MACF1: variants seen among roughly 807,000 people sequenced by gnomAD.
MACF1 encodes the protein microtubule-actin cross-linking factor 1.
A neutral mutation model predicts 854.8 loss-of-function variants in MACF1; 193 were observed. That is an observed-to-expected ratio of 0.23 (90% CI 0.20 to 0.25). The LOEUF is 0.25. MACF1 is among the 10% of genes least tolerant of loss of function. The pLI is 1.00. For missense variants in MACF1, 7,722 were observed against 8,929.1 expected (o/e 0.86, Z 5.45); for synonymous variants, 3,185 against 3,226.7 (o/e 0.99, Z 0.44).
At chr1:39,269,514 C>T (rs1438099571) in intron 6 of MACF1, 3 of 1,289,728 alleles carry the variant, frequency 2.3e-6, no homozygotes, top group East Asian at 1.1e-4. Flanking sequence ...GGATTCCAGA[C>T]TGCCTACTTC....
At chr1:39,188,275 A>G (rs542001926) in intron 2 of MACF1, among the ~76,000 whole-genome samples, 4 of 152,078 alleles carry the variant, frequency 2.6e-5, no homozygotes, top group African/African-American at 7.2e-5. Context: ...AAAAAATTAC[A>G]AAAATGAGCT....
Position 39,444,753 on chromosome 1 carries a change from G to C in MACF1, c.19523G>C (p.Gly6508Ala), listed in dbSNP as rs762626105. 8 of 1,614,106 alleles carry C rather than the reference G, an allele frequency of 5.0e-6. No individual in the cohort carries two copies. The Admixed American group carries it at 8.3e-5, about 17-fold the overall frequency. Residue 6508 changes from glycine to alanine, a missense_variant, in exon 80 of 101, where the codon GGG becomes GCG. This residue lies in a region of MACF1 where 729 missense variants were observed against 900.5 expected (regional missense o/e 0.81). Transcript: ENST00000564288. ...ATGCTTCTAAGCCGTGACGACTCTG[G>C]GTCTGGCTCCAAGACAGAACAGAGT... ...RLMLLSRDDSGSGSKTEQSVA... is the reference protein window; with the variant it reads ...RLMLLSRDDSASGSKTEQSVA...
intron 55 of MACF1, among the ~76,000 whole-genome samples, chr1:39,381,512 A>G (rs1650216397): frequency 6.6e-6 from 1 of 151,878 alleles, no homozygotes; most frequent in Admixed American, 6.6e-5. Flanking sequence ...GACCACAAGC[A>G]TGTGCTACCA....
At chr1:39,287,096 G>C (rs1330148945) in intron 14 of MACF1, among the ~76,000 whole-genome samples, 190 bp from the exon 15 acceptor site, 3 of 151,774 alleles carry the variant, frequency 2.0e-5, no homozygotes. Flanking sequence ...GAGTAGCTGG[G>C]ACTACAGGCA....
At chr1:39,410,919 C>T (rs769488209) in intron 58 of MACF1, 3 of 1,614,012 alleles carry the variant, frequency 1.9e-6, no homozygotes, top group Non-Finnish European at 2.5e-6. Flanking sequence ...ACTGCCAGGA[C>T]TTTAGATTTC....
chr1:39,191,482 A>T (rs1048637071), intron 2 of MACF1, among the ~76,000 whole-genome samples: 3 of 152,138 alleles, frequency 2.0e-5, no homozygotes, highest in Non-Finnish European at 4.4e-5. Flanking sequence ...TCCATTTTTC[A>T]ATTAATGTGC....
intron 89 of MACF1, chr1:39,456,869 CT>C (rs1318747627): frequency 7.2e-5 from 11 of 152,390 alleles, no homozygotes; most frequent in Admixed American, 5.2e-4. Flanking sequence ...TTTTTTCAGT[CT>C]TTATTTTGTT....
At chr1:39,258,984 T>C (rs1303152445) in intron 6 of MACF1, among the ~76,000 whole-genome samples, 1 of 152,180 alleles carries the variant, frequency 6.6e-6, no homozygotes, top group Non-Finnish European at 1.5e-5. Flanking sequence ...TGGTAATGTA[T>C]TTTTGTGGAA....
chr1:39,480,194 A>G, intron 98 of MACF1, 185 bp downstream of exon 98: 1 of 589,526 alleles, frequency 1.7e-6, no homozygotes, highest in South Asian at 2.1e-5. Context: ...CAGTACACAG[A>G]TATATGGCCT....
At chr1:39,415,798 G>A (rs1643281950) in intron 58 of MACF1, among the ~76,000 whole-genome samples, 1 of 152,146 alleles carries the variant, frequency 6.6e-6, no homozygotes, top group Non-Finnish European at 1.5e-5. Flanking sequence ...GGTTTGATTT[G>A]GTCAGTGGTA....
Position 39,464,052 on chromosome 1 carries a change from G to C in MACF1, c.21753+366G>C, listed in dbSNP as rs554806344. On this transcript the variant is annotated intron_variant, in intron 94 of 100. Coordinates refer to ENST00000564288, the MANE Select transcript of MACF1 (RefSeq NM_001394062.1). ...GAGCCTGAGTGGCTCCCAGGCTAGA[G>C]AGGCCTGGGGAAACTGTGTTGAAGC... is the stretch of plus-strand genomic sequence containing the variant. 17 of 206,796 alleles carry C rather than the reference G, an allele frequency of 8.2e-5. No homozygotes were observed. The East Asian group carries it at 1.7e-3, about 21-fold the overall frequency. The allele number at this position is 206,796 out of a possible 1,614,324, so 12.8% of individuals were successfully genotyped here.
chr1:39,276,756 T>C (rs1645445627), intron 6 of MACF1, among the ~76,000 whole-genome samples: 1 of 152,196 alleles, frequency 6.6e-6, no homozygotes, highest in African/African-American at 2.4e-5. Context: ...TGACCTACCA[T>C]AGATATGAGA....
chr1:39,095,736 G>A (rs1641921350), intron 2 of MACF1, among the ~76,000 whole-genome samples: 1 of 150,966 alleles, frequency 6.6e-6, no homozygotes, highest in African/African-American at 2.4e-5. Flanking sequence ...AAAATTAGGT[G>A]TGGTGGTGCA....
chr1:39,139,508 C>G (rs549568548), intron 2 of MACF1, among the ~76,000 whole-genome samples: 35 of 152,046 alleles, frequency 2.3e-4, no homozygotes, highest in Non-Finnish European at 4.6e-4. Context: ...CCTCCCATCT[C>G]AGCCTCCCAA....
At position 39,166,070 on chromosome 1, in the gene MACF1, G is replaced by A. The variant is rs1176578004; in HGVS notation, c.221-65112G>A. Among the ~76,000 whole-genome samples the A allele has an allele frequency of 4.3e-5, 3 of 70,136 alleles. No individual in the cohort carries two copies. The Admixed American group carries it at 7.5e-4, about 18-fold the overall frequency. The allele number at this position is 70,136 out of a possible 152,430, so 46.0% of individuals were successfully genotyped here. The stretch of plus-strand genomic sequence containing the variant: ...AGTGGGGAGACTGTAGAGGGCACTA[G>A]ATTTTTTTTTTTTTTTGAGATGGAG... On this transcript the variant is annotated intron_variant, in intron 2 of 93. Coordinates refer to the MACF1 transcript ENST00000361689.
chr1:39,300,375 A>C lies in MACF1; in HGVS notation c.2634+13A>C. ...CAGGCAGATCGAGGTGAGGAGGTAGAAAGGGTACCTCTGGGCCACAGGGGG... is the reference window on the plus strand; with the variant it reads ...CAGGCAGATCGAGGTGAGGAGGTAGCAAGGGTACCTCTGGGCCACAGGGGG... On this transcript the variant is annotated intron_variant, in intron 22 of 100. Coordinates refer to ENST00000564288, the MANE Select transcript of MACF1 (RefSeq NM_001394062.1). 1 of 1,612,180 alleles carries C rather than the reference A, an allele frequency of 6.2e-7. No homozygotes were observed. The highest frequency in any genetic ancestry group is 8.5e-7 in the Non-Finnish European group (1 of 1,179,094).
intron 1 of MACF1, among the ~76,000 whole-genome samples, chr1:39,206,056 C>A (rs1480799217): frequency 6.6e-6 from 1 of 152,152 alleles, no homozygotes; most frequent in African/African-American, 2.4e-5. Context: ...GTGTATCTTA[C>A]AAGTTAAGGT....
At chr1:39,398,237 C>G (rs1200486839) in intron 58 of MACF1, among the ~76,000 whole-genome samples, 1 of 151,692 alleles carries the variant, frequency 6.6e-6, no homozygotes, top group Middle Eastern at 3.2e-3. Flanking sequence ...CTCCCAGTCT[C>G]AAGTGATCCT....
rs371649464 is a variant in MACF1 at position 39,322,726 on chromosome 1, G to A, written c.4137+11G>A. 1.2e-6 allele frequency: 2 copies of A among 1,612,822 alleles called. No homozygotes were observed. The highest frequency in any genetic ancestry group is 2.2e-5 in the East Asian group (1 of 44,874). ...GCCATCACTCAAGAGGTGAGAGGGT[G>A]GGGGAAGGAAATACACCACTGTCTT... is the stretch of plus-strand genomic sequence containing the variant. On this transcript the variant is annotated intron_variant, in intron 32 of 100. Transcript: ENST00000564288.
Sources: allele counts gnomAD v4.1 joint callset (sites outside exome capture counted in the v4.1 genomes callset), GRCh38; gene constraint gnomAD v4.1.1; regional missense constraint gnomAD v4.1.1; transcripts MANE v1.5; gene names NCBI Gene and HGNC (gene_info 2026-07-23, HGNC 2026-07-21).